CDC73: variants seen among roughly 807,000 people sequenced by gnomAD.
CDC73 encodes cell division cycle 73, also known as parafibromin.
In CDC73, 21 loss-of-function variants were observed where a neutral mutation model predicts 83.7. The observed-to-expected ratio is 0.25, with a 90% CI of 0.18 to 0.36. The LOEUF is 0.36. CDC73 is among the 10% of genes least tolerant of loss of function. The pLI, the probability that CDC73 is intolerant of heterozygous loss-of-function variation, is 1.00. For missense variants in CDC73, 342 were observed against 653.3 expected, an observed-to-expected ratio of 0.52 and a Z score of 5.19; for synonymous variants, 224 against 212.9, an observed-to-expected ratio of 1.05 and a Z score of -0.45.
chr1:193,125,065 T>G (rs773368645), intron 1 of CDC73, 47 bp from the exon 2 acceptor site: 1 of 937,868 alleles, frequency 1.1e-6, no homozygotes, highest in Admixed American at 1.7e-5. Flanking sequence ...GCCTGAAGAG[T>G]TGAATTAGAA....
intron 10 of CDC73, among the ~76,000 whole-genome samples, chr1:193,196,927 T>A (rs760854536): frequency 3.3e-4 from 51 of 152,304 alleles, no homozygotes; most frequent in Non-Finnish European, 5.4e-4. Context: ...TTTGAATGCC[T>A]TCTGTTTTTC....
chr1:193,215,822 C>A (rs1037348016), intron 13 of CDC73, among the ~76,000 whole-genome samples: 1 of 151,868 alleles, frequency 6.6e-6, no homozygotes, highest in Admixed American at 6.6e-5. Flanking sequence ...ACTCCTGGGC[C>A]CAAGTGAGCT....
chr1:193,232,626 G>T (rs929551466), intron 13 of CDC73, among the ~76,000 whole-genome samples: 54 of 152,282 alleles, frequency 3.5e-4, no homozygotes, highest in African/African-American at 1.2e-3. Context: ...TTTCAGACCG[G>T]GCGTGGTGGC....
intron 13 of CDC73, among the ~76,000 whole-genome samples, chr1:193,220,058 A>G (rs1471699646): frequency 6.6e-6 from 1 of 152,100 alleles, no homozygotes; most frequent in Non-Finnish European, 1.5e-5. Flanking sequence ...TAAAAATTTT[A>G]CTGATCACTG....
intron 15 of CDC73, among the ~76,000 whole-genome samples, chr1:193,248,020 G>C (rs1677982339): frequency 6.6e-6 from 1 of 152,130 alleles, no homozygotes; most frequent in Admixed American, 6.5e-5. Context: ...CATCGTAGAT[G>C]AAACAGCCTG....
chr1:193,125,336 G>C, intron 2 of CDC73, 119 bp downstream of exon 2: 1 of 709,836 alleles, frequency 1.4e-6, no homozygotes, highest in Non-Finnish European at 2.5e-6. Context: ...ATAGCTCATT[G>C]CAGCCTCGAA....
At chr1:193,130,001 A>C (rs982378350) in intron 2 of CDC73, among the ~76,000 whole-genome samples, 173 bp from the exon 3 acceptor site, 1 of 152,006 alleles carries the variant, frequency 6.6e-6, no homozygotes, top group South Asian at 2.1e-4. Flanking sequence ...ATGTTTAATA[A>C]ATTTTCAGGA....
chr1:193,236,526 T>G (rs951662213), intron 15 of CDC73, among the ~76,000 whole-genome samples, 170 bp downstream of exon 15: 37 of 152,230 alleles, frequency 2.4e-4, no homozygotes, highest in African/African-American at 8.7e-4. Flanking sequence ...CTTTGTATAT[T>G]AATACTTTCT....
chr1:193,125,794 C>A (rs1675560294), intron 2 of CDC73, among the ~76,000 whole-genome samples: 1 of 150,254 alleles, frequency 6.7e-6, no homozygotes, highest in African/African-American at 2.5e-5. Flanking sequence ...TAGTAGGTAT[C>A]ATTTGGAATG....
At chr1:193,246,995 C>T (rs1263651553) in intron 15 of CDC73, among the ~76,000 whole-genome samples, 1 of 152,110 alleles carries the variant, frequency 6.6e-6, no homozygotes, top group Non-Finnish European at 1.5e-5. Context: ...CGTACTTGGC[C>T]TTTAGATCTT....
At chr1:193,194,188 T>C (rs1359688249) in intron 10 of CDC73, among the ~76,000 whole-genome samples, 1 of 152,200 alleles carries the variant, frequency 6.6e-6, no homozygotes, top group African/African-American at 2.4e-5. Flanking sequence ...ACATTCAAGG[T>C]TGTACTACAG....
chr1:193,199,741 AT>A (rs2103174641), intron 10 of CDC73, among the ~76,000 whole-genome samples: 1 of 151,994 alleles, frequency 6.6e-6, no homozygotes, highest in South Asian at 2.1e-4. Context: ...TCACACACAT[AT>A]TTAAACATTC....
Position 193,122,120 on chromosome 1 carries a change from GGGCGA to G in CDC73, c.-75_-71del, listed in dbSNP as rs1675458847. On this transcript the variant is annotated 5_prime_UTR_variant, in exon 1 of 17. Transcript: ENST00000367435. ...CGGCGGCGAAGGAGGAGGAGGAAGA[GGGCGA>G]GGCGACAAGAGAAGAAGGAGGCAGG... The G allele has an allele frequency of 7.1e-7, 1 of 1,407,034 alleles. No homozygotes were observed. Among genetic ancestry groups the G allele is most frequent in the South Asian group, 1.2e-5 (1 of 86,410 alleles). The allele number at this position is 1,407,034 out of a possible 1,614,324, so 87.2% of individuals were successfully genotyped here. A position where few individuals can be genotyped will look rare whatever the true frequency, so the allele number is the denominator to read the frequency against.
chr1:193,223,389 A>G (rs1677506973), intron 13 of CDC73, among the ~76,000 whole-genome samples: 1 of 152,208 alleles, frequency 6.6e-6, no homozygotes. Flanking sequence ...CCAATCTAGC[A>G]TAACTTTAAA....
intron 13 of CDC73, among the ~76,000 whole-genome samples, chr1:193,226,134 A>G (rs1003233862): frequency 1.3e-5 from 2 of 152,130 alleles, no homozygotes; most frequent in Non-Finnish European, 2.9e-5. Flanking sequence ...ATTCTCCTAC[A>G]TGTGACTTGC....
intron 8 of CDC73, among the ~76,000 whole-genome samples, chr1:193,150,048 C>G (rs191972516): frequency 3.3e-5 from 5 of 151,566 alleles, no homozygotes; most frequent in African/African-American, 1.2e-4. Context: ...AGACTGAGGT[C>G]GATCACCTGA....
intron 10 of CDC73, among the ~76,000 whole-genome samples, chr1:193,185,285 A>G (rs1245442244): frequency 2.0e-5 from 3 of 152,084 alleles, no homozygotes; most frequent in Non-Finnish European, 4.4e-5. Flanking sequence ...TAAAATAGTT[A>G]ATTTTTAAAG....
intron 10 of CDC73, among the ~76,000 whole-genome samples, chr1:193,174,721 C>T (rs1676573992): frequency 6.6e-6 from 1 of 152,076 alleles, no homozygotes; most frequent in Admixed American, 6.6e-5. Flanking sequence ...GTGTTCAGGC[C>T]AGTGTTCTAG....
Position 193,251,571 on chromosome 1 carries a change from C to A in CDC73, c.*859C>A. The A allele has an allele frequency of 8.6e-6, 2 of 232,044 alleles. No individual in the cohort carries two copies. Among genetic ancestry groups the A allele is most frequent in the Non-Finnish European group, 1.7e-5 (2 of 117,044 alleles). 14.4% of individuals were successfully genotyped at this position (232,044 alleles called of 1,614,324 possible). The stretch of plus-strand genomic sequence containing the variant: ...ATTTTTATGGTATAGGATTTTGAAT[C>A]TTCTATTTTAGGCTTGTCAGTCTTG... On this transcript the variant is annotated 3_prime_UTR_variant, in exon 17 of 17. Coordinates refer to ENST00000367435, the MANE Select transcript of CDC73 (RefSeq NM_024529.5).
Sources: allele counts gnomAD v4.1 joint callset (sites outside exome capture counted in the v4.1 genomes callset), GRCh38; gene constraint gnomAD v4.1.1; transcripts MANE v1.5; gene names NCBI Gene and HGNC (gene_info 2026-07-23, HGNC 2026-07-21).